The following DLG2 variants were observed in gnomAD, a reference collection of about 807,000 sequenced individuals.
DLG2 encodes discs large MAGUK scaffold protein 2.
DLG2 carries 45 observed loss-of-function variants against 132.5 expected under a neutral mutation model. The observed-to-expected ratio is 0.34, with a 90% CI of 0.27 to 0.44. The LOEUF is 0.44. DLG2 is among the 20% of genes least tolerant of loss of function. DLG2 has a pLI of 1.00. For missense variants in DLG2, 1,045 were observed against 1,196.9 expected, an observed-to-expected ratio of 0.87 and a Z score of 1.87; for synonymous variants, 424 against 419.6, an observed-to-expected ratio of 1.01 and a Z score of -0.13.
At chr11:85,052,606 A>G (rs186368013) in intron 6 of DLG2, among the ~76,000 whole-genome samples, 1 of 152,358 alleles carries the variant, frequency 6.6e-6, no homozygotes, top group East Asian at 1.9e-4. Flanking sequence ...GGATTTGGCA[A>G]TGTAATGACT....
At chr11:84,951,435 A>G (rs1193418387) in intron 6 of DLG2, among the ~76,000 whole-genome samples, 3 of 152,124 alleles carry the variant, frequency 2.0e-5, no homozygotes, top group Non-Finnish European at 2.9e-5. Flanking sequence ...AACACTTGGT[A>G]TATGTTTGTA....
chr11:84,385,265 A>C (rs1403101365), intron 7 of DLG2, among the ~76,000 whole-genome samples: 2 of 151,944 alleles, frequency 1.3e-5, no homozygotes, highest in African/African-American at 4.8e-5. Context: ...AAAGAGGCAT[A>C]CTCTTGTCTT....
At chr11:83,975,459 C>T (rs1488750299) in intron 12 of DLG2, among the ~76,000 whole-genome samples, 2 of 151,932 alleles carry the variant, frequency 1.3e-5, no homozygotes, top group Non-Finnish European at 2.9e-5. Flanking sequence ...TTGGGTGACC[C>T]ATTAAACATC....
chr11:84,514,033 T>C (rs1228685958), intron 7 of DLG2, among the ~76,000 whole-genome samples: 1 of 151,954 alleles, frequency 6.6e-6, no homozygotes, highest in African/African-American at 2.4e-5. Flanking sequence ...TGGCAAAATA[T>C]ACGAATAGAC....
At chr11:84,645,171 T>A (rs1353051022) in intron 6 of DLG2, among the ~76,000 whole-genome samples, 1 of 152,152 alleles carries the variant, frequency 6.6e-6, no homozygotes, top group African/African-American at 2.4e-5. Context: ...CAGGCTTTGT[T>A]CACACCCTTC....
chr11:84,289,695 T>C (rs775780955), intron 7 of DLG2, among the ~76,000 whole-genome samples: 8 of 152,114 alleles, frequency 5.3e-5, no homozygotes, highest in Non-Finnish European at 7.4e-5. Flanking sequence ...ACATGGGAGA[T>C]GATCCACCCA....
chr11:85,543,114 T>G (rs767988582), intron 3 of DLG2, among the ~76,000 whole-genome samples: 3 of 152,170 alleles, frequency 2.0e-5, no homozygotes, highest in Non-Finnish European at 2.9e-5. Context: ...ATTAGGCATT[T>G]CTACTAATGC....
chr11:84,874,232 A>G (rs2085951569), intron 6 of DLG2, among the ~76,000 whole-genome samples: 1 of 152,206 alleles, frequency 6.6e-6, no homozygotes, highest in Admixed American at 6.5e-5. Flanking sequence ...AATCCTGACT[A>G]TCTTATAAAT....
intron 6 of DLG2, among the ~76,000 whole-genome samples, chr11:84,956,904 T>C (rs890053060): frequency 1.3e-5 from 2 of 152,150 alleles, no homozygotes; most frequent in Admixed American, 1.3e-4. Context: ...GAGAGGTAAA[T>C]CTATAAAATC....
chr11:83,479,933 T>C (rs1215997185), intron 22 of DLG2, among the ~76,000 whole-genome samples: 1 of 152,118 alleles, frequency 6.6e-6, no homozygotes, highest in Admixed American at 6.6e-5. Context: ...GAACACTTTA[T>C]TTATAAATGC....
intron 4 of DLG2, among the ~76,000 whole-genome samples, chr11:85,235,024 T>C (rs532582687): frequency 6.6e-6 from 1 of 151,978 alleles, no homozygotes; most frequent in Non-Finnish European, 1.5e-5. Context: ...CTAACAACAA[T>C]TGAAGTAATT....
rs11234345 is a variant in DLG2, at chr11:85,446,450, G to A, written c.40+152207C>T. ...TTTCAAATAACAATTCTTGTAATAA[G>A]ATAACAAAGACATACTGCTTTGTAA... On this transcript the variant is annotated intron_variant, in intron 3 of 27. Coordinates refer to ENST00000376104, the MANE Select transcript of DLG2 (RefSeq NM_001142699.3). Among the ~76,000 whole-genome samples the A allele has an allele frequency of 3.2e-3, 490 of 152,154 alleles. 3 individuals are homozygous for A. The highest frequency in any genetic ancestry group is 0.011 in the African/African-American group (472 of 41,538).
At chr11:84,947,073 G>A (rs914228812) in intron 6 of DLG2, among the ~76,000 whole-genome samples, 2 of 152,136 alleles carry the variant, frequency 1.3e-5, no homozygotes, top group South Asian at 2.1e-4. Context: ...TGTGCCATGC[G>A]GCCAGTCGCT....
chr11:83,929,921 G>C (rs2079825386), intron 15 of DLG2, among the ~76,000 whole-genome samples: 1 of 151,888 alleles, frequency 6.6e-6, no homozygotes, highest in African/African-American at 2.4e-5. Flanking sequence ...ATATTTCTTA[G>C]GCCATGTTAT....
At chr11:84,296,214 T>G (rs1236585317) in intron 7 of DLG2, among the ~76,000 whole-genome samples, 2 of 152,254 alleles carry the variant, frequency 1.3e-5, no homozygotes, top group East Asian at 3.9e-4. Context: ...TTTTCAAAAT[T>G]CCTCTTAGAA....
intron 19 of DLG2, among the ~76,000 whole-genome samples, chr11:83,622,872 G>A (rs1302813585): frequency 2.0e-5 from 3 of 152,182 alleles, no homozygotes; most frequent in African/African-American, 4.8e-5. Context: ...TCAGAAGAAT[G>A]TATATCCTGT....
At chr11:84,326,249 T>C (rs939024952) in intron 7 of DLG2, among the ~76,000 whole-genome samples, 2 of 152,196 alleles carry the variant, frequency 1.3e-5, no homozygotes, top group Admixed American at 6.5e-5. Context: ...TCTCTAATTA[T>C]TTTCTTCCTT....
At chr11:85,276,631 A>C (rs555765327) in intron 4 of DLG2, among the ~76,000 whole-genome samples, 1 of 152,138 alleles carries the variant, frequency 6.6e-6, no homozygotes, top group South Asian at 2.1e-4. Context: ...TGTTTTTAAA[A>C]CTATCTTCAG....
chr11:85,493,613 C>T (rs895388084), intron 3 of DLG2, among the ~76,000 whole-genome samples: 6 of 151,224 alleles, frequency 4.0e-5, no homozygotes, highest in Non-Finnish European at 5.9e-5. Flanking sequence ...CGAGGTGCAG[C>T]GAGCTATGAT....
Sources: allele counts gnomAD v4.1 joint callset (sites outside exome capture counted in the v4.1 genomes callset), GRCh38; gene constraint gnomAD v4.1.1; transcripts MANE v1.5; gene names NCBI Gene and HGNC (gene_info 2026-07-23, HGNC 2026-07-21).